GNAQ: variants seen among roughly 807,000 people sequenced by gnomAD.
GNAQ encodes the protein guanine nucleotide-binding protein G(q) subunit alpha.
GNAQ carries 8 observed loss-of-function variants against 43.9 expected under a neutral mutation model. The ratio of observed to expected loss-of-function variants is 0.18; its 90% CI spans 0.11 to 0.33. The LOEUF (loss-of-function observed/expected upper bound fraction) is 0.33. GNAQ is among the 10% of genes least tolerant of loss of function. The probability of loss-of-function intolerance (pLI) is 1.00; values close to 1 mark genes in which losing one functional copy is unlikely to be tolerated. For missense variants in GNAQ, 158 were observed against 450.8 expected, an observed-to-expected ratio of 0.35 and a Z score of 5.88; for synonymous variants, 155 against 170.7, an observed-to-expected ratio of 0.91 and a Z score of 0.71.
chr9:77,744,225 G>A (rs2118269562), intron 5 of GNAQ, among the ~76,000 whole-genome samples: 1 of 152,236 alleles, frequency 6.6e-6, no homozygotes, highest in East Asian at 1.9e-4. Context: ...ACTGAACTAG[G>A]CTCGCACTTT....
intron 5 of GNAQ, among the ~76,000 whole-genome samples, chr9:77,789,302 C>A (rs1826529979): frequency 6.6e-6 from 1 of 151,864 alleles, no homozygotes; most frequent in Admixed American, 6.6e-5. Flanking sequence ...TCAAAAGATA[C>A]CATGAGGAGA....
chr9:77,988,205 C>G (rs1004316220), intron 1 of GNAQ, among the ~76,000 whole-genome samples: 14 of 152,204 alleles, frequency 9.2e-5, no homozygotes, highest in African/African-American at 3.1e-4. Flanking sequence ...ACAAGGCCAG[C>G]AGGCCCTCTA....
chr9:77,898,404 T>C (rs1378213013), intron 2 of GNAQ, among the ~76,000 whole-genome samples: 3 of 152,184 alleles, frequency 2.0e-5, no homozygotes, highest in Non-Finnish European at 2.9e-5. Flanking sequence ...ATCTAGGCTA[T>C]TGCCTATTCA....
chr9:77,763,578 G>T (rs1057035020), intron 5 of GNAQ, among the ~76,000 whole-genome samples: 1 of 152,220 alleles, frequency 6.6e-6, no homozygotes, highest in Non-Finnish European at 1.5e-5. Context: ...TACTTTTCAG[G>T]AAGATAACTA....
intron 5 of GNAQ, among the ~76,000 whole-genome samples, chr9:77,732,690 C>G (rs569175445): frequency 2.6e-5 from 4 of 152,266 alleles, no homozygotes; most frequent in South Asian, 4.1e-4. Context: ...GTTTTACTAC[C>G]CCTAACACAG....
At chr9:77,776,911 T>C (rs1826313852) in intron 5 of GNAQ, among the ~76,000 whole-genome samples, 1 of 151,642 alleles carries the variant, frequency 6.6e-6, no homozygotes, top group Admixed American at 6.6e-5. Flanking sequence ...TTAAAATTTA[T>C]GTGGAAATGT....
At chr9:77,954,452 G>T (rs886902842) in intron 1 of GNAQ, among the ~76,000 whole-genome samples, 3 of 152,214 alleles carry the variant, frequency 2.0e-5, no homozygotes, top group African/African-American at 7.2e-5. Context: ...TTAGATTTGT[G>T]TTTCAGAAGC....
chr9:77,802,428 A>T (rs2118474538), intron 3 of GNAQ, among the ~76,000 whole-genome samples: 1 of 152,276 alleles, frequency 6.6e-6, no homozygotes, highest in East Asian at 1.9e-4. Flanking sequence ...CATACTGAGA[A>T]AAGGTAATAA....
At chr9:77,916,782 C>T (rs1483465949) in intron 2 of GNAQ, among the ~76,000 whole-genome samples, 1 of 151,834 alleles carries the variant, frequency 6.6e-6, no homozygotes, top group African/African-American at 2.4e-5. Flanking sequence ...AAAGGTGCAA[C>T]TGTCCACTCA....
At chr9:77,859,272 G>A (rs1444984548) in intron 2 of GNAQ, among the ~76,000 whole-genome samples, 7 of 152,260 alleles carry the variant, frequency 4.6e-5, no homozygotes, top group Middle Eastern at 6.8e-3. Context: ...ACCCAGAAAC[G>A]AAGAGCTAAT....
chr9:78,023,614 G>GT (rs1398730485), intron 1 of GNAQ, among the ~76,000 whole-genome samples: 2 of 151,306 alleles, frequency 1.3e-5, no homozygotes, highest in African/African-American at 2.4e-5. Flanking sequence ...CAATCACCCT[G>GT]TTGCCCCTAC....
At chr9:77,734,484 ATGAGGGCATTCATAACAATCATCAC>A (rs2118238335) in intron 5 of GNAQ, among the ~76,000 whole-genome samples, 1 of 148,970 alleles carries the variant, frequency 6.7e-6, no homozygotes, top group South Asian at 2.2e-4. Context: ...GCAGAATGTC[ATGAGGGCATTCATAACAATCATCAC>A]TGAGGGCCTG....
intron 2 of GNAQ, among the ~76,000 whole-genome samples, chr9:77,883,530 G>T (rs1371852262): frequency 6.6e-6 from 1 of 150,538 alleles, no homozygotes; most frequent in African/African-American, 2.4e-5. Context: ...GGCAGTACAT[G>T]TGCATGTTTT....
chr9:77,888,091 C>T (rs1587388446), intron 2 of GNAQ, among the ~76,000 whole-genome samples: 1 of 152,130 alleles, frequency 6.6e-6, no homozygotes, highest in East Asian at 1.9e-4. Context: ...AATGCAGTTT[C>T]AAGACATGCA....
At chr9:77,722,029 G>C (rs1327081254) in intron 6 of GNAQ, among the ~76,000 whole-genome samples, 2 of 152,050 alleles carry the variant, frequency 1.3e-5, no homozygotes, top group Admixed American at 6.6e-5. Flanking sequence ...ATCTACAATG[G>C]GCCTCTGTAA....
intron 2 of GNAQ, among the ~76,000 whole-genome samples, chr9:77,825,273 C>A (rs775144139): frequency 6.6e-6 from 1 of 152,136 alleles, no homozygotes; most frequent in Non-Finnish European, 1.5e-5. Context: ...AACAATACAA[C>A]AGATTTATAC....
chr9:77,857,711 G>T (rs1827781052), intron 2 of GNAQ, among the ~76,000 whole-genome samples: 1 of 151,084 alleles, frequency 6.6e-6, no homozygotes, highest in South Asian at 2.1e-4. Context: ...AGGAAAGGGA[G>T]GAAAGAGTCT....
At chr9:77,842,615 T>C (rs1173744376) in intron 2 of GNAQ, among the ~76,000 whole-genome samples, 6 of 152,172 alleles carry the variant, frequency 3.9e-5, no homozygotes, top group Non-Finnish European at 5.9e-5. Context: ...TCATCTTGCT[T>C]ACAGCATGCT....
At chr9:77,961,422 C>T (rs991579246) in intron 1 of GNAQ, among the ~76,000 whole-genome samples, 5 of 152,058 alleles carry the variant, frequency 3.3e-5, no homozygotes, top group African/African-American at 1.2e-4. Flanking sequence ...AAGGAAAGAG[C>T]TGAACAGAGA....
Sources: allele counts gnomAD v4.1 joint callset (sites outside exome capture counted in the v4.1 genomes callset), GRCh38; gene constraint gnomAD v4.1.1; transcripts MANE v1.5; gene names NCBI Gene and HGNC (gene_info 2026-07-23, HGNC 2026-07-21).